CUX2: variants seen among roughly 807,000 people sequenced by gnomAD.
CUX2 encodes homeobox protein cut-like 2.
In CUX2, 40 loss-of-function variants were observed where a neutral mutation model predicts 144.8. The ratio of observed to expected loss-of-function variants is 0.28; its 90% confidence interval spans 0.21 to 0.36. The LOEUF is 0.36. Among genes scored for constraint, CUX2 ranks in the 10% least tolerant of loss-of-function variants. CUX2 has a pLI of 1.00. For synonymous variants in CUX2, 827 were observed against 875.6 expected (o/e 0.94, Z 0.98); for missense variants, 1,615 against 1,994.0 (o/e 0.81, Z 3.62).
intron 1 of CUX2, among the ~76,000 whole-genome samples, chr12:111,092,017 G>A (rs1293303385): frequency 1.3e-5 from 2 of 152,330 alleles, no homozygotes; most frequent in African/African-American, 4.8e-5. Flanking sequence ...ACTGCACCCA[G>A]CCAAGCTCTA....
intron 1 of CUX2, among the ~76,000 whole-genome samples, chr12:111,076,217 A>T (rs1261317768): frequency 6.6e-6 from 1 of 152,210 alleles, no homozygotes; most frequent in African/African-American, 2.4e-5. Context: ...TGGGATGTGC[A>T]GTTGAGGAGG....
chr12:111,308,399 C>T (rs1886708061), intron 13 of CUX2, 28 bp from the exon 14 acceptor site: 1 of 1,613,864 alleles, frequency 6.2e-7, no homozygotes, highest in African/African-American at 1.3e-5. Context: ...CCACCAGGTG[C>T]CCTCTCAACC....
chr12:111,292,464 C>T (rs571319053), intron 5 of CUX2, among the ~76,000 whole-genome samples: 1 of 152,288 alleles, frequency 6.6e-6, no homozygotes, highest in Non-Finnish European at 1.5e-5. Context: ...GTGGCTCACA[C>T]CTGTAATCCC....
chr12:111,245,043 T>A (rs1330324162), intron 3 of CUX2, among the ~76,000 whole-genome samples: 1 of 151,942 alleles, frequency 6.6e-6, no homozygotes, highest in Non-Finnish European at 1.5e-5. Flanking sequence ...AAAAATGGGG[T>A]CCCCATCCAA....
In CUX2 at chr12:111,077,655, A is replaced by G. The variant is rs1012742207; in HGVS notation, c.63+43415A>G. Among the ~76,000 whole-genome samples the G allele has an allele frequency of 6.6e-6, 1 of 152,208 alleles. No homozygotes were observed. The highest frequency in any genetic ancestry group is 1.5e-5 in the Non-Finnish European group (1 of 68,038). Reference sequence around the variant, plus strand: ...ATCAGCCAAACACCTGACTCACTCAATAAGCGTTGCATTGTGGAGACAGGA... The same window carrying G: ...ATCAGCCAAACACCTGACTCACTCAGTAAGCGTTGCATTGTGGAGACAGGA... On this transcript the variant is annotated intron_variant, in intron 1 of 21. Transcript: ENST00000261726. The surrounding 1 kb of genome is among the most constrained non-coding windows in gnomAD (Gnocchi z 4.1).
intron 1 of CUX2, among the ~76,000 whole-genome samples, chr12:111,200,216 T>C (rs867253991): frequency 3.3e-5 from 5 of 152,022 alleles, no homozygotes; most frequent in Non-Finnish European, 5.9e-5. Context: ...GCACCTGCCC[T>C]GTGTAGCTGT....
rs187965573 is a variant in CUX2, at chr12:111,340,252, C to T, written c.3386-1528C>T. ...GCATTGCTGTGAGGATTAAGTAAGACCCTCATACCTTCTTTCATTCTGAAG... is the reference window on the plus strand; with the variant it reads ...GCATTGCTGTGAGGATTAAGTAAGATCCTCATACCTTCTTTCATTCTGAAG... On this transcript the variant is annotated intron_variant, in intron 20 of 21. Coordinates refer to ENST00000261726, the MANE Select transcript of CUX2 (RefSeq NM_015267.4). 4.6e-5 allele frequency among the ~76,000 whole-genome samples: 7 copies of T among 152,204 alleles called. No homozygotes were observed. The East Asian group carries it at 1.4e-3, about 29-fold the overall frequency.
intron 1 of CUX2, among the ~76,000 whole-genome samples, chr12:111,156,553 C>T (rs867211580): frequency 6.6e-6 from 1 of 152,168 alleles, no homozygotes; most frequent in Non-Finnish European, 1.5e-5. Flanking sequence ...GTGACAGCCT[C>T]ACTGATGCAC....
chr12:111,298,810 T>C (rs1886145095), intron 9 of CUX2, among the ~76,000 whole-genome samples: 1 of 151,972 alleles, frequency 6.6e-6, no homozygotes, highest in Non-Finnish European at 1.5e-5. Context: ...GGGTAGGGAA[T>C]GCAGACAGAC....
intron 1 of CUX2, among the ~76,000 whole-genome samples, chr12:111,104,414 T>A (rs1172273575): frequency 6.6e-6 from 1 of 152,234 alleles, no homozygotes; most frequent in Non-Finnish European, 1.5e-5. Flanking sequence ...GCCCAGGAAT[T>A]ATCTTCTGAA....
chr12:111,256,364 G>C (rs994534760), intron 3 of CUX2, among the ~76,000 whole-genome samples: 2 of 151,998 alleles, frequency 1.3e-5, no homozygotes, highest in Non-Finnish European at 2.9e-5. Context: ...TTCATTCCCC[G>C]ATCTCTGGGT....
chr12:111,285,361 C>G (rs1340424119), intron 4 of CUX2, among the ~76,000 whole-genome samples: 1 of 152,166 alleles, frequency 6.6e-6, no homozygotes, highest in Non-Finnish European at 1.5e-5. Context: ...GGCAGAGCAT[C>G]TGACCCTCTG....
chr12:111,085,051 C>T (rs908180720), intron 1 of CUX2, among the ~76,000 whole-genome samples: 2 of 152,066 alleles, frequency 1.3e-5, no homozygotes, highest in Non-Finnish European at 2.9e-5. Flanking sequence ...TCCCTGCCTC[C>T]GTGGAGCTGA....
At chr12:111,180,359 G>C (rs1343887028) in intron 1 of CUX2, among the ~76,000 whole-genome samples, 1 of 152,078 alleles carries the variant, frequency 6.6e-6, no homozygotes, top group Non-Finnish European at 1.5e-5. Flanking sequence ...CCAATTCCAC[G>C]GACCCTTAAG....
chr12:111,138,475 A>T (rs1286048900), intron 1 of CUX2, among the ~76,000 whole-genome samples: 3 of 152,076 alleles, frequency 2.0e-5, no homozygotes, highest in African/African-American at 7.2e-5. Context: ...AAGTGGCAGG[A>T]AATGCTGTGT....
chr12:111,324,603 C>T (rs60544843), intron 18 of CUX2, among the ~76,000 whole-genome samples: 1 of 151,918 alleles, frequency 6.6e-6, no homozygotes, highest in African/African-American at 2.4e-5. Flanking sequence ...CGGGTTCAAG[C>T]GATTCTCCTG....
At chr12:111,060,953 C>T (rs1014205991) in intron 1 of CUX2, among the ~76,000 whole-genome samples, 2 of 152,194 alleles carry the variant, frequency 1.3e-5, no homozygotes, top group Non-Finnish European at 2.9e-5. Context: ...ACACAGTTAT[C>T]GTCCCTCCAG....
chr12:111,295,549 T>C lies in CUX2; in HGVS notation c.637+140T>C. On this transcript the variant is annotated intron_variant, in intron 7 of 21. Transcript: ENST00000261726. The surrounding 1 kb of genome is among the most constrained non-coding windows in gnomAD (Gnocchi z 5.0). ...CAAAATGGGAGTTTGGGAAGAATAA[T>C]CTTACCCAGTGGGGGGCTGAGCCTC... 3 of 684,498 alleles carry C rather than the reference T, an allele frequency of 4.4e-6. No individual in the cohort carries two copies. Among genetic ancestry groups the C allele is most frequent in the Non-Finnish European group, 7.2e-6 (3 of 415,984 alleles). 42.4% of individuals were successfully genotyped at this position (684,498 alleles called of 1,614,324 possible).
chr12:111,230,098 G>A (rs903071719), intron 3 of CUX2, among the ~76,000 whole-genome samples: 9 of 151,486 alleles, frequency 5.9e-5, no homozygotes, highest in African/African-American at 1.5e-4. Context: ...GGCTGCAACA[G>A]TGAGCCATTA....
Sources: allele counts gnomAD v4.1 joint callset (sites outside exome capture counted in the v4.1 genomes callset), GRCh38; gene constraint gnomAD v4.1.1; non-coding constraint Gnocchi (gnomAD v3.1); transcripts MANE v1.5; gene names NCBI Gene and HGNC (gene_info 2026-07-23, HGNC 2026-07-21).